Variants in ATP13A1 observed in about 807,000 individuals in gnomAD.
ATP13A1 encodes the protein ATPase 13A1.
Under a neutral mutation model 134.8 loss-of-function variants are expected in ATP13A1, and 55 were observed. The observed-to-expected ratio is 0.41, with a 90% confidence interval of 0.33 to 0.51. ATP13A1 has a LOEUF of 0.51. ATP13A1 is among the 20% of genes least tolerant of loss of function. ATP13A1 has a pLI of 0.29. For missense variants in ATP13A1, 1,389 were observed against 1,652.8 expected (o/e 0.84, Z 2.77); for synonymous variants, 775 against 725.1 (o/e 1.07, Z -1.10).
rs990047354 is a variant in ATP13A1 at position 19,654,780 on chromosome 19, A to G, written c.1656-80T>C. On this transcript the variant is annotated intron_variant, in intron 12 of 25. Coordinates refer to ENST00000357324, the MANE Select transcript of ATP13A1 (RefSeq NM_020410.3). ...CATCCCCACCAGCAGAAGGACCCCCAAGGCCATTCATTCCGTGCTTGTCAC... is the reference window on the plus strand; with the variant it reads ...CATCCCCACCAGCAGAAGGACCCCCGAGGCCATTCATTCCGTGCTTGTCAC... The G allele has an allele frequency of 1.9e-5, 28 of 1,486,320 alleles. 1 individual carries two copies. The Admixed American group carries it at 5.5e-4, about 29-fold the overall frequency. The allele number at this position is 1,486,320 out of a possible 1,614,324, so 92.1% of individuals were successfully genotyped here. A position where few individuals can be genotyped will look rare whatever the true frequency, so the allele number is the denominator to read the frequency against.
chr19:19,654,880 T>C (rs1037845490), intron 12 of ATP13A1, among the ~76,000 whole-genome samples, 180 bp from the exon 13 acceptor site: 1 of 152,198 alleles, frequency 6.6e-6, no homozygotes, highest in Non-Finnish European at 1.5e-5. Context: ...AAGCCAGGCA[T>C]TGTGCCTGGG....
rs2144995199 is a variant in ATP13A1 at position 19,649,749 on chromosome 19, T to C, written c.2527A>G (p.Lys843Glu). Residue 843 changes from lysine (K) to glutamate (E), a missense_variant, in exon 18 of 26, where the codon AAG (lysine) becomes GAG (glutamate). Coordinates refer to ENST00000357324, the MANE Select transcript of ATP13A1 (RefSeq NM_020410.3). ...TAGGGCTGTGCACATACCTTCTGCTTGGGAGCCACACGGGCGAACACCTGC... is the reference window on the plus strand; with the variant it reads ...TAGGGCTGTGCACATACCTTCTGCTCGGGAGCCACACGGGCGAACACCTGC... Reference protein sequence around the residue: ...HVQVFARVAPKQKEFVITSLK... With the variant: ...HVQVFARVAPEQKEFVITSLK... The C allele has an allele frequency of 1.9e-6, 3 of 1,602,398 alleles. No individual in the cohort carries two copies. Among genetic ancestry groups the C allele is most frequent in the East Asian group, 4.5e-5 (2 of 44,592 alleles).
intron 13 of ATP13A1, 150 bp from the exon 14 acceptor site, chr19:19,654,294 G>C: frequency 8.8e-6 from 9 of 1,020,784 alleles, no homozygotes; most frequent in Non-Finnish European, 1.3e-5. Flanking sequence ...GTCCAGAGCT[G>C]GAAGACCTGG....
chr19:19,653,909 G>A lies in ATP13A1; in HGVS notation c.1990-15C>T, dbSNP rs774348090. The A allele has an allele frequency of 2.6e-6, 4 of 1,568,004 alleles. No individual in the cohort carries two copies. The highest frequency in any genetic ancestry group is 1.4e-5 in the African/African-American group (1 of 73,998). Reference sequence around the variant, plus strand: ...CACTGGGAGAACTGCAGGGAATGCAGGGGGATGTCACGGGCTGCCCCGCGC... The same window carrying A: ...CACTGGGAGAACTGCAGGGAATGCAAGGGGATGTCACGGGCTGCCCCGCGC... On this transcript the variant is annotated splice_polypyrimidine_tract_variant and intron_variant, in intron 14 of 25. Transcript: ENST00000357324. The surrounding 1 kb of genome is among the most constrained non-coding windows in gnomAD (Gnocchi z 4.2).
chr19:19,657,584 C>G (rs1420041672), intron 3 of ATP13A1, among the ~76,000 whole-genome samples, 176 bp from the exon 4 acceptor site: 1 of 152,214 alleles, frequency 6.6e-6, no homozygotes, highest in Non-Finnish European at 1.5e-5. Context: ...GGCAGTGGCT[C>G]TCCCTCATCC....
At chr19:19,654,463 C>T in intron 13 of ATP13A1, 80 bp downstream of exon 13, 1 of 1,484,380 alleles carries the variant, frequency 6.7e-7, no homozygotes, top group South Asian at 1.3e-5. Context: ...CCAAGATGCT[C>T]TGAGGGGTGC....
Position 19,655,998 on chromosome 19 carries a change from A to G in ATP13A1, c.1213+56T>C. 2 of 1,611,980 alleles carry G rather than the reference A, an allele frequency of 1.2e-6. No individual in the cohort carries two copies. The highest frequency in any genetic ancestry group is 1.7e-6 in the Non-Finnish European group (2 of 1,179,552). On this transcript the variant is annotated intron_variant, in intron 8 of 25. Coordinates refer to ENST00000357324, the MANE Select transcript of ATP13A1 (RefSeq NM_020410.3). This position sits in a 1 kb window ranked among gnomAD's most constrained non-coding sequence, Gnocchi z 5.7. ...CGTCCTGACTCCCTCATGATCAAGCAGACGGGCAAAGGGGGTGGAAGCCCA... is the reference window on the plus strand; with the variant it reads ...CGTCCTGACTCCCTCATGATCAAGCGGACGGGCAAAGGGGGTGGAAGCCCA...
Position 19,645,751 on chromosome 19 carries a change from G to A in ATP13A1, c.3400C>T (p.Leu1134=). 1 of 1,607,854 alleles carries A rather than the reference G, an allele frequency of 6.2e-7. No individual in the cohort carries two copies. Among genetic ancestry groups the A allele is most frequent in the Non-Finnish European group, 8.5e-7 (1 of 1,177,410 alleles). Residue 1134 remains leucine, a synonymous_variant, in exon 25 of 26, where the codon CTG becomes TTG. Coordinates refer to ENST00000357324, the MANE Select transcript of ATP13A1 (RefSeq NM_020410.3). The surrounding 1 kb of genome is among the most constrained non-coding windows in gnomAD (Gnocchi z 4.1). ...AGTGAAACTGCCAGACTCCACACCA[G>A]GGGCTTGTTCTCGGGCAGGCTCTCC... is the stretch of plus-strand genomic sequence containing the variant. ...FMESLPENKP[L]VWSLAVSLLA...
intron 18 of ATP13A1, 38 bp downstream of exon 18, chr19:19,649,703 T>C: frequency 6.2e-7 from 1 of 1,613,312 alleles, no homozygotes; most frequent in Non-Finnish European, 8.5e-7. Flanking sequence ...GCTGCGTGCC[T>C]ACCGCTGTGC....
rs777123156 is a variant in ATP13A1 at position 19,655,184 on chromosome 19, G to A, written c.1590C>T (p.Cys530=). ...TCAACGTCCCCGTCTTGTCAAAGCA[G>A]CACACCTCGACCTTGCCAGCAAAGG... is the stretch of plus-strand genomic sequence containing the variant. ...RIPFAGKVEV[C]CFDKTGTLTS... is the part of the protein sequence containing the mutation. The change falls in exon 12 of 26, where the codon TGC becomes TGT. Residue 530 remains cysteine, a synonymous_variant. Transcript: ENST00000357324. The surrounding 1 kb of genome is among the most constrained non-coding windows in gnomAD (Gnocchi z 5.7). 7.4e-6 allele frequency: 12 copies of A among 1,614,030 alleles called. No homozygotes were observed. Among genetic ancestry groups the A allele is most frequent in the Non-Finnish European group, 1.0e-5 (12 of 1,179,900 alleles).
chr19:19,647,495 C>G lies in ATP13A1; in HGVS notation c.2827G>C (p.Asp943His), dbSNP rs2061993719. The G allele has an allele frequency of 4.3e-6, 7 of 1,613,270 alleles. No homozygotes were observed. The highest frequency in any genetic ancestry group is 5.9e-6 in the Non-Finnish European group (7 of 1,179,606). ...AGTTTCACAATGGGCGTACTCTCGT[C>G]CTCGAGGTCTCGCAGCACCTGGCTC... Reference protein sequence around the residue: ...RLSQVLRDLEDESTPIVKLGD... With the variant: ...RLSQVLRDLEHESTPIVKLGD... Residue 943 changes from aspartate (D) to histidine (H), a missense_variant, in exon 21 of 26, where the codon GAC (aspartate) becomes CAC (histidine). Around this residue, in one of 4 missense-constraint regions of ATP13A1, gnomAD observed 121 missense variants for 104.9 expected, o/e 1.15. Coordinates refer to ENST00000357324, the MANE Select transcript of ATP13A1 (RefSeq NM_020410.3). This position sits in a 1 kb window ranked among gnomAD's most constrained non-coding sequence, Gnocchi z 4.8.
At position 19,657,424 on chromosome 19, in the gene ATP13A1, C is replaced by T; in HGVS notation, c.678-16G>A. 1.3e-6 allele frequency: 2 copies of T among 1,558,564 alleles called. No individual in the cohort carries two copies. Among genetic ancestry groups the T allele is most frequent in the Non-Finnish European group, 1.7e-6 (2 of 1,151,014 alleles). ...CATCTCGGCCCTGCAAGAGACCAGG[C>T]CCCATCCTGTTCCCAGGGCAAGGCC... On this transcript the variant is annotated splice_polypyrimidine_tract_variant and intron_variant, in intron 3 of 25. Transcript: ENST00000357324.
chr19:19,652,373 G>A (rs772098460), intron 16 of ATP13A1, among the ~76,000 whole-genome samples: 7 of 152,166 alleles, frequency 4.6e-5, no homozygotes, highest in South Asian at 2.1e-4. Context: ...CCCATGATGC[G>A]GGGAGTGAAG....
chr19:19,646,548 C>G (rs1599425882), intron 22 of ATP13A1: 1 of 647,972 alleles, frequency 1.5e-6, no homozygotes, highest in Non-Finnish European at 2.6e-6. Context: ...GCCTCCCTGG[C>G]CCCGGCTCCG....
rs1366548984 is a variant in ATP13A1, at chr19:19,654,535, C to G, written c.1813+8G>C. ...CCCCTTGCTGGGCCTGAGGCCCCAGCCCCTCACCTTTGGTCAGCGTCCAGT... is the reference window on the plus strand; with the variant it reads ...CCCCTTGCTGGGCCTGAGGCCCCAGGCCCTCACCTTTGGTCAGCGTCCAGT... On this transcript the variant is annotated splice_region_variant and intron_variant, in intron 13 of 25. Transcript: ENST00000357324. 3 of 1,598,244 alleles carry G rather than the reference C, an allele frequency of 1.9e-6. No homozygotes were observed. Among genetic ancestry groups the G allele is most frequent in the Non-Finnish European group, 2.6e-6 (3 of 1,172,842 alleles).
rs763096515 is a variant in ATP13A1 at position 19,656,174 on chromosome 19, C to T, written c.1093G>A (p.Glu365Lys). 2.5e-6 allele frequency: 4 copies of T among 1,607,632 alleles called. No homozygotes were observed. Among genetic ancestry groups the T allele is most frequent in the Non-Finnish European group, 3.4e-6 (4 of 1,176,136 alleles). Reference protein sequence around the residue: ...ESVPQMKEPIEDLSPDRVLDL... With the variant: ...ESVPQMKEPIKDLSPDRVLDL... ...AGCACCCGGTCTGGGCTGAGGTCTTCGATGGGCTCCTGGGGAGGAAGATCG... is the reference window on the plus strand; with the variant it reads ...AGCACCCGGTCTGGGCTGAGGTCTTTGATGGGCTCCTGGGGAGGAAGATCG... Residue 365 changes from glutamate to lysine, a missense_variant, in exon 8 of 26, where the codon GAA becomes AAA. Glu to Lys is a moderately conservative substitution (Grantham distance 56). This residue lies in a region of ATP13A1 where 747 missense variants were observed against 956.1 expected (regional missense o/e 0.78). Transcript: ENST00000357324. The surrounding 1 kb of genome is among the most constrained non-coding windows in gnomAD (Gnocchi z 4.6).
intron 1 of ATP13A1, among the ~76,000 whole-genome samples, chr19:19,661,373 C>T (rs1244313661): frequency 1.3e-5 from 2 of 152,208 alleles, no homozygotes; most frequent in Non-Finnish European, 2.9e-5. Context: ...GCACATGGGG[C>T]TCGATCGTGC....
In ATP13A1 at chr19:19,645,332, G is replaced by A. The variant is rs1383765727; in HGVS notation, c.*90C>T. On this transcript the variant is annotated 3_prime_UTR_variant, in exon 26 of 26. Coordinates refer to ENST00000357324, the MANE Select transcript of ATP13A1 (RefSeq NM_020410.3). The surrounding 1 kb of genome is among the most constrained non-coding windows in gnomAD (Gnocchi z 4.1). ...GCGAGACTGTACAGCCTTGCTGTGG[G>A]GGGTTGGGGGCAGGGTTCCCTCCCG... 4 of 1,377,106 alleles carry A rather than the reference G, an allele frequency of 2.9e-6. No homozygotes were observed. Among genetic ancestry groups the A allele is most frequent in the Non-Finnish European group, 3.0e-6 (3 of 997,424 alleles). The allele number at this position is 1,377,106 out of a possible 1,614,324, so 85.3% of individuals were successfully genotyped here.
At chr19:19,651,601 G>T in intron 17 of ATP13A1, 88 bp downstream of exon 17, 3 of 1,027,652 alleles carry the variant, frequency 2.9e-6, no homozygotes, top group Non-Finnish European at 4.3e-6. Context: ...TGCTGCTGAG[G>T]CCTGGTACAC....
Sources: gnomAD v4.1 joint callset for allele counts (sites outside exome capture counted in the v4.1 genomes callset) on GRCh38, gnomAD v4.1.1 for gene constraint, gnomAD v4.1.1 regional missense constraint, Gnocchi (gnomAD v3.1) non-coding constraint, MANE v1.5 for transcripts, NCBI Gene and HGNC (gene_info 2026-07-23, HGNC 2026-07-21) for gene names.